The following CCDC178 variants were observed in gnomAD, a reference collection of about 807,000 sequenced individuals.
The protein encoded by CCDC178 is coiled-coil domain-containing protein 178.
A neutral mutation model predicts 117.4 loss-of-function variants in CCDC178; 126 were observed. The observed-to-expected ratio is 1.07, with a 90% CI of 0.93 to 1.24. CCDC178 has a LOEUF of 1.24. Among genes scored for constraint, CCDC178 ranks in the 50% most tolerant of loss-of-function variants. The pLI is 0.00. For synonymous variants in CCDC178, 283 were observed against 313.4 expected (o/e 0.90, Z 1.02); for missense variants, 1,030 against 986.9 (o/e 1.04, Z -0.59).
intron 22 of CCDC178, among the ~76,000 whole-genome samples, chr18:32,960,219 A>G (rs1376283539): frequency 6.6e-6 from 1 of 152,162 alleles, no homozygotes; most frequent in Non-Finnish European, 1.5e-5. Flanking sequence ...ATCCAAGGCT[A>G]CACTTTTTAT....
intron 2 of CCDC178, among the ~76,000 whole-genome samples, chr18:33,436,076 T>C (rs1315706880): frequency 6.6e-6 from 1 of 151,870 alleles, no homozygotes; most frequent in Non-Finnish European, 1.5e-5. Flanking sequence ...ACAACAGCAA[T>C]AAAGAAAAGG....
chr18:33,037,253 A>G (rs1385217139), intron 21 of CCDC178, among the ~76,000 whole-genome samples: 1 of 151,954 alleles, frequency 6.6e-6, no homozygotes, highest in African/African-American at 2.4e-5. Context: ...AAATGAGACA[A>G]ATAGTCCCAG....
chr18:33,381,931 A>G (rs2063443359), intron 5 of CCDC178, among the ~76,000 whole-genome samples: 1 of 152,068 alleles, frequency 6.6e-6, no homozygotes, highest in Admixed American at 6.6e-5. Flanking sequence ...TGTTTCTTAA[A>G]TATCTCTGTA....
chr18:33,103,186 GT>G, intron 20 of CCDC178, among the ~76,000 whole-genome samples: 1 of 151,812 alleles, frequency 6.6e-6, no homozygotes, highest in Admixed American at 6.6e-5. Flanking sequence ...GCAAAAGGCA[GT>G]TTTTGCATAG....
intron 12 of CCDC178, among the ~76,000 whole-genome samples, chr18:33,292,202 G>C (rs2060174318): frequency 6.6e-6 from 1 of 152,124 alleles, no homozygotes; most frequent in African/African-American, 2.4e-5. Flanking sequence ...TGGATGAGTA[G>C]ATAAGAAAAT....
At chr18:33,424,020 C>T (rs2064075177) in intron 2 of CCDC178, among the ~76,000 whole-genome samples, 2 of 152,124 alleles carry the variant, frequency 1.3e-5, no homozygotes, top group East Asian at 3.8e-4. Context: ...CTTTCCTATT[C>T]TTTCATATTC....
At chr18:33,045,213 G>A (rs2056620716) in intron 21 of CCDC178, among the ~76,000 whole-genome samples, 1 of 152,082 alleles carries the variant, frequency 6.6e-6, no homozygotes, top group Non-Finnish European at 1.5e-5. Context: ...AAAATGTATT[G>A]CATAGAGTCC....
chr18:33,082,139 C>A (rs1226237267), intron 21 of CCDC178, among the ~76,000 whole-genome samples: 1 of 152,112 alleles, frequency 6.6e-6, no homozygotes, highest in Non-Finnish European at 1.5e-5. Flanking sequence ...CAATTAATTT[C>A]TTTTAATAGA....
At chr18:33,342,642 G>A (rs1037439019) in intron 9 of CCDC178, among the ~76,000 whole-genome samples, 24 of 152,186 alleles carry the variant, frequency 1.6e-4, no homozygotes, top group Non-Finnish European at 3.2e-4. Flanking sequence ...GCTAGCCAAA[G>A]AGGATGAGAG....
intron 20 of CCDC178, among the ~76,000 whole-genome samples, chr18:33,166,555 G>GTGCT (rs2058531914): frequency 6.6e-6 from 1 of 152,012 alleles, no homozygotes; most frequent in African/African-American, 2.4e-5. Context: ...AAGAGTTGTG[G>GTGCT]TGCTATTGGT....
chr18:33,183,138 T>G (rs2058750092), intron 20 of CCDC178, among the ~76,000 whole-genome samples: 1 of 152,056 alleles, frequency 6.6e-6, no homozygotes, highest in Non-Finnish European at 1.5e-5. Flanking sequence ...GTCAAAATAT[T>G]GTTTCAGGGG....
intron 9 of CCDC178, among the ~76,000 whole-genome samples, chr18:33,335,560 G>T (rs527726136): frequency 2.0e-5 from 3 of 151,662 alleles, no homozygotes; most frequent in Non-Finnish European, 2.9e-5. Flanking sequence ...TCCTTGTCTT[G>T]CTGTGATGCA....
At chr18:33,087,510 A>AGTGTGTGTGTGTGTATGTGT (rs2057397125) in intron 21 of CCDC178, among the ~76,000 whole-genome samples, 1 of 148,824 alleles carries the variant, frequency 6.7e-6, no homozygotes, top group Non-Finnish European at 1.5e-5. Context: ...CTTTAGAACA[A>AGTGTGTGTGTGTGTATGTGT]GTGTGTGTGT....
At chr18:33,283,479 A>G (rs1176203423) in intron 12 of CCDC178, among the ~76,000 whole-genome samples, 5 of 152,194 alleles carry the variant, frequency 3.3e-5, no homozygotes. Flanking sequence ...TAAACAGACA[A>G]CCTACAGAAT....
chr18:33,325,564 A>C (rs1568148337), intron 10 of CCDC178, among the ~76,000 whole-genome samples: 1 of 152,092 alleles, frequency 6.6e-6, no homozygotes, highest in East Asian at 1.9e-4. Flanking sequence ...TGGACTAAAT[A>C]TTTAAAACAA....
At chr18:33,322,232 T>A (rs905406345) in intron 11 of CCDC178, among the ~76,000 whole-genome samples, 3 of 151,918 alleles carry the variant, frequency 2.0e-5, no homozygotes, top group Non-Finnish European at 4.4e-5. Context: ...AATTAATAAA[T>A]GGAGCAATGC....
chr18:33,220,163 A>T (rs1355415532), intron 18 of CCDC178, among the ~76,000 whole-genome samples: 1 of 152,084 alleles, frequency 6.6e-6, no homozygotes, highest in Non-Finnish European at 1.5e-5. Context: ...ATCTGCAGAA[A>T]CACAATACTC....
intron 21 of CCDC178, among the ~76,000 whole-genome samples, chr18:33,063,280 A>C (rs568274106): frequency 6.6e-6 from 1 of 152,190 alleles, no homozygotes; most frequent in South Asian, 2.1e-4. Context: ...GGTGCCCAGC[A>C]TGTCATCTGG....
intron 5 of CCDC178, among the ~76,000 whole-genome samples, chr18:33,376,736 G>C (rs1483676680): frequency 6.6e-6 from 1 of 152,080 alleles, no homozygotes; most frequent in East Asian, 1.9e-4. Flanking sequence ...ACCTACTTAG[G>C]ATAATGGCTT....
Sources: gnomAD v4.1 joint callset for allele counts (sites outside exome capture counted in the v4.1 genomes callset) on GRCh38, gnomAD v4.1.1 for gene constraint, MANE v1.5 for transcripts, NCBI Gene and HGNC (gene_info 2026-07-23, HGNC 2026-07-21) for gene names.